GPC6: variants seen among roughly 807,000 people sequenced by gnomAD.
The protein encoded by GPC6 is glypican 6, also known as glypican-6.
In GPC6, 14 loss-of-function variants were observed where a neutral mutation model predicts 55.2. That is an observed-to-expected ratio of 0.25 (90% CI 0.17 to 0.40). The LOEUF (loss-of-function observed/expected upper bound fraction) is 0.40, where lower values mean the gene tolerates loss of function less well. GPC6 is among the 10% of genes least tolerant of loss of function. The pLI, the probability that GPC6 is intolerant of heterozygous loss-of-function variation, is 1.00. For missense variants in GPC6, 641 were observed against 708.5 expected (o/e 0.90, Z 1.08); for synonymous variants, 278 against 259.6 (o/e 1.07, Z -0.68).
chr13:93,285,083 C>T (rs1878066179), intron 1 of GPC6, among the ~76,000 whole-genome samples: 1 of 152,048 alleles, frequency 6.6e-6, no homozygotes, highest in Non-Finnish European at 1.5e-5. Flanking sequence ...TGGAAGCCAC[C>T]AGGATTGGGA....
chr13:94,087,366 T>C (rs1026408377), intron 4 of GPC6, among the ~76,000 whole-genome samples: 8 of 152,188 alleles, frequency 5.3e-5, no homozygotes, highest in Non-Finnish European at 8.8e-5. Flanking sequence ...AGGTGTAAAA[T>C]GAAAGCTACG....
intron 2 of GPC6, among the ~76,000 whole-genome samples, chr13:93,652,226 C>A (rs1051930474): frequency 6.6e-6 from 1 of 152,126 alleles, no homozygotes; most frequent in Non-Finnish European, 1.5e-5. Flanking sequence ...TGGATCTAAT[C>A]CATGCATATT....
intron 5 of GPC6, among the ~76,000 whole-genome samples, chr13:94,292,252 A>G (rs560925133): frequency 1.0e-5 from 1 of 100,216 alleles, no homozygotes; most frequent in African/African-American, 5.1e-5. Flanking sequence ...TCGCTAATCG[A>G]TGCATAACCC....
intron 2 of GPC6, among the ~76,000 whole-genome samples, chr13:93,802,366 C>T (rs1190519431): frequency 6.6e-6 from 1 of 151,774 alleles, no homozygotes; most frequent in Admixed American, 6.6e-5. Flanking sequence ...TAAAATCCTA[C>T]ATCTAATTGT....
intron 1 of GPC6, among the ~76,000 whole-genome samples, chr13:93,341,149 T>G (rs2139150652): frequency 6.6e-6 from 1 of 152,312 alleles, no homozygotes; most frequent in East Asian, 1.9e-4. Context: ...TTTATCCACT[T>G]GTTAGTTGAT....
intron 2 of GPC6, among the ~76,000 whole-genome samples, chr13:93,677,084 G>T (rs1007069740): frequency 6.6e-6 from 1 of 152,094 alleles, no homozygotes; most frequent in East Asian, 1.9e-4. Flanking sequence ...GATGTAAGAA[G>T]GAGAAGTTCA....
chr13:93,445,958 T>C (rs561236698), intron 1 of GPC6, among the ~76,000 whole-genome samples: 48 of 152,262 alleles, frequency 3.2e-4, no homozygotes, highest in Admixed American at 3.1e-3. Flanking sequence ...TAGGCAAATA[T>C]GGCAGAGAGG....
rs1881411958 is a variant in GPC6, at chr13:94,407,380, TA to T, written c.*4167del. ...TAGAAAATTGCTATTAATCTTGTAT[TA>T]AAATAGTTTTTAAAAATCTACCAGT... On this transcript the variant is annotated 3_prime_UTR_variant, in exon 9 of 9. Coordinates refer to ENST00000377047, the MANE Select transcript of GPC6 (RefSeq NM_005708.5). 3 of 152,188 alleles carry T rather than the reference TA, an allele frequency of 2.0e-5. No homozygotes were observed. 9.4% of individuals were successfully genotyped at this position (152,188 alleles called of 1,614,324 possible).
chr13:93,912,499 T>A (rs1877040312), intron 3 of GPC6, among the ~76,000 whole-genome samples: 1 of 152,070 alleles, frequency 6.6e-6, no homozygotes, highest in Non-Finnish European at 1.5e-5. Flanking sequence ...ATCCCAGCAA[T>A]TTGGGAGGCC....
chr13:94,017,163 A>G lies in GPC6; in HGVS notation c.712-10566A>G, dbSNP rs114250920. 2.6e-3 allele frequency among the ~76,000 whole-genome samples: 399 copies of G among 152,210 alleles called. 3 individuals are homozygous for G. Among genetic ancestry groups the G allele is most frequent in the African/African-American group, 9.3e-3 (388 of 41,536 alleles). On this transcript the variant is annotated intron_variant, in intron 3 of 8. Transcript: ENST00000377047. ...TCTTAACTTTCTTTTCCCATTGTTC[A>G]TTGCTACTGTATAGAAACCCAACAC...
intron 6 of GPC6, among the ~76,000 whole-genome samples, chr13:94,367,925 C>T (rs184209065): frequency 4.3e-4 from 66 of 151,826 alleles, no homozygotes; most frequent in Middle Eastern, 3.4e-3. Flanking sequence ...CTGAGGCGGG[C>T]GGATCATGAG....
intron 2 of GPC6, among the ~76,000 whole-genome samples, chr13:93,785,882 A>G (rs936475056): frequency 6.6e-6 from 1 of 152,110 alleles, no homozygotes; most frequent in African/African-American, 2.4e-5. Context: ...GGATTGCTTG[A>G]GCCCAGGAGG....
rs867213281 is a variant in GPC6 at position 93,488,380 on chromosome 13, T to A, written c.161-56883T>A. 3.5e-4 allele frequency among the ~76,000 whole-genome samples: 54 copies of A among 152,320 alleles called. 1 individual carries two copies. Among genetic ancestry groups the A allele is most frequent in the Middle Eastern group, 6.8e-3 (2 of 294 alleles). On this transcript the variant is annotated intron_variant, in intron 1 of 8. Transcript: ENST00000377047. ...AATCTAGTCTATCATTGATGGACAT[T>A]TGGGTTGGATCCAAGTCTTTGCTAT...
At position 93,609,706 on chromosome 13, in the gene GPC6, A is replaced by G. The variant is rs576030407; in HGVS notation, c.319+64285A>G. Among the ~76,000 whole-genome samples the G allele has an allele frequency of 4.6e-5, 7 of 152,134 alleles. No individual in the cohort carries two copies. The South Asian group carries it at 6.2e-4, about 14-fold the overall frequency. On this transcript the variant is annotated intron_variant, in intron 2 of 8. Transcript: ENST00000377047. ...CTAGTAGCTCCTCTTCCCCAGCCTC[A>G]CCAGATGGAAGTTTATGCTTATTTT...
chr13:93,961,423 T>A (rs1228254803), intron 3 of GPC6, among the ~76,000 whole-genome samples: 2 of 152,232 alleles, frequency 1.3e-5, no homozygotes, highest in Non-Finnish European at 2.9e-5. Context: ...TGGCTTTACA[T>A]GAAAAATCAG....
At chr13:94,396,849 C>A (rs1313986955) in intron 7 of GPC6, among the ~76,000 whole-genome samples, 4 of 152,190 alleles carry the variant, frequency 2.6e-5, no homozygotes. Context: ...TGTTTTTGCA[C>A]TGGGGCTCCA....
upstream of GPC6, among the ~76,000 whole-genome samples, chr13:93,223,551 C>A (rs1419577517): frequency 6.6e-6 from 1 of 152,038 alleles, no homozygotes; most frequent in Non-Finnish European, 1.5e-5. Flanking sequence ...TCAAAGGATT[C>A]TCCTGCTTTA....
At chr13:93,442,489 C>A (rs1325347322) in intron 1 of GPC6, among the ~76,000 whole-genome samples, 1 of 152,124 alleles carries the variant, frequency 6.6e-6, no homozygotes, top group Non-Finnish European at 1.5e-5. Context: ...AATTTTATAT[C>A]ATCCTTCTAC....
intron 4 of GPC6, among the ~76,000 whole-genome samples, chr13:94,070,534 A>G (rs1278980364): frequency 6.6e-6 from 1 of 152,232 alleles, no homozygotes; most frequent in Non-Finnish European, 1.5e-5. Flanking sequence ...GGGTCTGGGA[A>G]CTATGCTACG....
Sources: gnomAD v4.1 joint callset for allele counts (sites outside exome capture counted in the v4.1 genomes callset) on GRCh38, gnomAD v4.1.1 for gene constraint, MANE v1.5 for transcripts, NCBI Gene and HGNC (gene_info 2026-07-23, HGNC 2026-07-21) for gene names.